ATP2C2: variants seen among roughly 807,000 people sequenced by gnomAD.
The protein encoded by ATP2C2 is calcium-transporting ATPase type 2C member 2.
A neutral mutation model predicts 110.8 loss-of-function variants in ATP2C2; 171 were observed. That is an observed-to-expected ratio of 1.54 (90% CI 1.36 to 1.75). The LOEUF is 1.75. Ranked by LOEUF, ATP2C2 falls within the 40% of genes most tolerant of loss-of-function variation. ATP2C2 has a pLI of 0.00. For missense variants in ATP2C2, 1,963 were observed against 1,235.0 expected (o/e 1.59, Z -8.84); for synonymous variants, 804 against 508.4 (o/e 1.58, Z -7.82).
At chr16:84,455,195 G>C (rs1910685782) in intron 21 of ATP2C2, among the ~76,000 whole-genome samples, 1 of 152,104 alleles carries the variant, frequency 6.6e-6, no homozygotes, top group African/African-American at 2.4e-5. Flanking sequence ...GATGCCTGGG[G>C]CTAGTCACAT....
chr16:84,414,323 G>C (rs11149651), intron 6 of ATP2C2, among the ~76,000 whole-genome samples: 105,362 of 152,012 alleles, frequency 0.69, 37,681 homozygotes, highest in Non-Finnish European at 0.8. Flanking sequence ...CACCCAGGGC[G>C]TGGTTCTTTC....
chr16:84,398,037 G>A (rs1471451823), intron 1 of ATP2C2, among the ~76,000 whole-genome samples: 1 of 151,754 alleles, frequency 6.6e-6, no homozygotes, highest in African/African-American at 2.4e-5. Context: ...CTTAATTTGG[G>A]GGCTGGTTAT....
At chr16:84,434,461 G>A (rs1023376531) in intron 11 of ATP2C2, among the ~76,000 whole-genome samples, 19 of 151,882 alleles carry the variant, frequency 1.3e-4, no homozygotes, top group African/African-American at 4.6e-4. Context: ...TATGTTAAGT[G>A]ACATTCAAGA....
chr16:84,422,132 A>T (rs1261924620), intron 7 of ATP2C2, among the ~76,000 whole-genome samples: 1 of 150,034 alleles, frequency 6.7e-6, no homozygotes, highest in Non-Finnish European at 1.5e-5. Flanking sequence ...CATCACCTTC[A>T]TTTTTTTTTT....
intron 11 of ATP2C2, among the ~76,000 whole-genome samples, chr16:84,438,338 C>T (rs1908928882): frequency 6.6e-6 from 1 of 152,192 alleles, no homozygotes; most frequent in Non-Finnish European, 1.5e-5. Flanking sequence ...CACCAGGCAT[C>T]ATACCTTTCC....
intron 23 of ATP2C2, chr16:84,460,107 A>G (rs1020458295): frequency 5.0e-6 from 1 of 201,786 alleles, no homozygotes; most frequent in African/African-American, 2.3e-5. Flanking sequence ...TTGTGTCCCC[A>G]AAGCCAAGTG....
At chr16:84,448,731 G>C (rs1909991639) in intron 17 of ATP2C2, 42 bp downstream of exon 17, 1 of 1,578,110 alleles carries the variant, frequency 6.3e-7, no homozygotes, top group East Asian at 2.3e-5. Flanking sequence ...AAGCTTGCAT[G>C]TAACATTGAC....
At position 84,461,974 on chromosome 16, in the gene ATP2C2, C is replaced by T. The variant is rs964343566; in HGVS notation, c.2581-14C>T. 35 of 1,612,126 alleles carry T rather than the reference C, an allele frequency of 2.2e-5. No individual in the cohort carries two copies. Among genetic ancestry groups the T allele is most frequent in the Non-Finnish European group, 2.9e-5 (34 of 1,178,602 alleles). On this transcript the variant is annotated splice_polypyrimidine_tract_variant and intron_variant, in intron 25 of 26. Transcript: ENST00000262429. ...GGACAGCACACAATCCCCCGTGTGA[C>T]CTTCTCCCTGCAGACCAAGCTGATA...
intron 17 of ATP2C2, 53 bp from the exon 18 acceptor site, chr16:84,451,868 A>C: frequency 1.3e-6 from 2 of 1,537,036 alleles, no homozygotes; most frequent in Non-Finnish European, 1.8e-6. Context: ...ACAACAAAAA[A>C]CGACGGCCCC....
chr16:84,412,516 G>C (rs578040051), intron 6 of ATP2C2, among the ~76,000 whole-genome samples: 10 of 144,580 alleles, frequency 6.9e-5, no homozygotes, highest in African/African-American at 2.6e-4. Flanking sequence ...GTCTGTGTGT[G>C]TCTGTGTGTG....
intron 15 of ATP2C2, among the ~76,000 whole-genome samples, chr16:84,446,117 G>A (rs897295656): frequency 2.6e-5 from 4 of 151,148 alleles, no homozygotes; most frequent in African/African-American, 7.3e-5. Flanking sequence ...TGCAAAGACC[G>A]TCTTGTCTGC....
intron 20 of ATP2C2, among the ~76,000 whole-genome samples, chr16:84,454,423 C>G (rs528432501): frequency 5.5e-4 from 83 of 152,278 alleles, no homozygotes; most frequent in African/African-American, 1.9e-3. Flanking sequence ...GAGTAAATCC[C>G]TATGTGAGTT....
At position 84,459,357 on chromosome 16, in the gene ATP2C2, C is replaced by T. The variant is rs377239413; in HGVS notation, c.2304C>T (p.Asn768=). The T allele has an allele frequency of 1.2e-6, 2 of 1,614,072 alleles. No individual in the cohort carries two copies. Among genetic ancestry groups the T allele is most frequent in the African/African-American group, 1.3e-5 (1 of 74,938 alleles). The change falls in exon 23 of 27, where the codon AAC becomes AAT. Residue 768 remains asparagine (N), a synonymous_variant. Coordinates refer to ENST00000262429, the MANE Select transcript of ATP2C2 (RefSeq NM_014861.4). ...PLNAMQILWI[N]IIMDGPPAQS... is the part of the protein sequence containing the mutation. ...ACGCCATGCAGATCCTATGGATCAA[C>T]ATCATCATGGATGGGCCACCGGCGC...
intron 1 of ATP2C2, among the ~76,000 whole-genome samples, chr16:84,376,267 G>A (rs1241670749): frequency 6.6e-6 from 1 of 152,250 alleles, no homozygotes; most frequent in Non-Finnish European, 1.5e-5. Flanking sequence ...GTGAGGCGAT[G>A]AGGTTGCCAT....
At chr16:84,398,447 T>C in intron 1 of ATP2C2, 52 bp from the exon 2 acceptor site, 1 of 1,069,606 alleles carries the variant, frequency 9.3e-7, no homozygotes, top group South Asian at 2.1e-5. Flanking sequence ...ATTTAAAAAT[T>C]AATCAGTACA....
chr16:84,460,521 T>C (rs985621878), intron 23 of ATP2C2, 133 bp from the exon 24 acceptor site: 8 of 1,284,468 alleles, frequency 6.2e-6, no homozygotes, highest in East Asian at 2.3e-5. Flanking sequence ...GTGCGATGCC[T>C]GGGGGCGTTC....
intron 1 of ATP2C2, among the ~76,000 whole-genome samples, chr16:84,396,263 G>C (rs577427197): frequency 6.6e-6 from 1 of 151,998 alleles, no homozygotes; most frequent in East Asian, 1.9e-4. Flanking sequence ...TATGTGTTTC[G>C]AGCCAGGTGC....
chr16:84,397,374 C>G (rs1169666076), intron 1 of ATP2C2, among the ~76,000 whole-genome samples: 4 of 151,652 alleles, frequency 2.6e-5, no homozygotes, highest in Admixed American at 6.6e-5. Context: ...ATGGTGCATA[C>G]TTGATGGAGA....
intron 16 of ATP2C2, among the ~76,000 whole-genome samples, chr16:84,447,068 T>C (rs991493879): frequency 2.6e-5 from 4 of 152,182 alleles, no homozygotes; most frequent in African/African-American, 9.7e-5. Flanking sequence ...TTTTCAGATT[T>C]GTTGTGGCTT....
Sources: gnomAD v4.1 joint callset for allele counts (sites outside exome capture counted in the v4.1 genomes callset) on GRCh38, gnomAD v4.1.1 for gene constraint, MANE v1.5 for transcripts, NCBI Gene and HGNC (gene_info 2026-07-23, HGNC 2026-07-21) for gene names.